Variants in STAG3 observed in about 807,000 individuals in gnomAD.
STAG3 encodes cohesin subunit SA-3.
STAG3 carries 101 observed loss-of-function variants against 160.7 expected under a neutral mutation model. The observed-to-expected ratio is 0.63, with a 90% CI of 0.54 to 0.74. The LOEUF is 0.74. Ranked by LOEUF, STAG3 falls within the 30% of genes least tolerant of loss-of-function variation. The pLI, the probability that STAG3 is intolerant of heterozygous loss-of-function variation, is 0.00. For missense variants in STAG3, 1,188 were observed against 1,517.4 expected (o/e 0.78, Z 3.61); for synonymous variants, 519 against 585.0 (o/e 0.89, Z 1.63).
chr7:100,201,151 C>A lies in STAG3; in HGVS notation c.2123C>A (p.Ala708Asp). The A allele has an allele frequency of 6.2e-7, 1 of 1,614,238 alleles. No individual in the cohort carries two copies. The highest frequency in any genetic ancestry group is 8.5e-7 in the Non-Finnish European group (1 of 1,180,040). Residue 708 changes from alanine (A) to aspartate (D), a missense_variant, in exon 20 of 34, where the codon GCC becomes GAC. Ala to Asp is a moderately radical substitution (Grantham distance 126). Around this residue, in one of 4 missense-constraint regions of STAG3, gnomAD observed 647 missense variants for 717.2 expected, o/e 0.90. Coordinates refer to ENST00000615138, the MANE Select transcript of STAG3 (RefSeq NM_001282717.2). ...NLAATLKRLSAFYNTHDLTRW... is the reference protein window; with the variant it reads ...NLAATLKRLSDFYNTHDLTRW... ...GCAGCCACTCTGAAACGCCTCTCTG[C>A]CTTCTACAAGTGAGTGGCTTTCCTC...
At chr7:100,185,611 A>G (rs1487999091) in intron 4 of STAG3, among the ~76,000 whole-genome samples, 1 of 152,074 alleles carries the variant, frequency 6.6e-6, no homozygotes, top group Non-Finnish European at 1.5e-5. Context: ...CAAAAAAAAA[A>G]AAAAAGGAAA....
chr7:100,193,330 ACTGC>A (rs1562974722), intron 8 of STAG3, among the ~76,000 whole-genome samples: 1 of 152,212 alleles, frequency 6.6e-6, no homozygotes. Flanking sequence ...AAAGTCAGCA[ACTGC>A]ATTAGCCCCT....
chr7:100,182,288 G>T, intron 3 of STAG3, 96 bp downstream of exon 3: 1 of 885,466 alleles, frequency 1.1e-6, no homozygotes, highest in Non-Finnish European at 1.8e-6. Context: ...GAACCCAGGG[G>T]GCAGAGCTTG....
At chr7:100,185,665 T>C (rs962617504) in intron 4 of STAG3, among the ~76,000 whole-genome samples, 21 of 151,942 alleles carry the variant, frequency 1.4e-4, no homozygotes, top group Admixed American at 1.3e-3. Context: ...ATGTATGTGG[T>C]GTGAATCTTG....
intron 9 of STAG3, among the ~76,000 whole-genome samples, chr7:100,195,755 C>T (rs1033009036): frequency 7.9e-5 from 12 of 152,190 alleles, no homozygotes; most frequent in African/African-American, 2.4e-4. Context: ...TGAGCCTTCT[C>T]CTGGCCCAGC....
intron 4 of STAG3, 67 bp from the exon 5 acceptor site, chr7:100,186,133 G>T: frequency 8.1e-7 from 1 of 1,233,538 alleles, no homozygotes. Context: ...CAACTGGGAA[G>T]ATCATATAGG....
At position 100,182,172 on chromosome 7, in the gene STAG3, C is replaced by T. The variant is rs764978239; in HGVS notation, c.199C>T (p.Arg67Ter). 8 of 1,610,966 alleles carry T rather than the reference C, an allele frequency of 5.0e-6. No individual in the cohort carries two copies. In the Admixed American group the frequency reaches 6.7e-5, roughly 13 times the overall value. The change falls in exon 3 of 34, where the codon CGA becomes TGA. Residue 67 changes from arginine (R) to a stop codon, truncating the protein, a stop_gained. Transcript: ENST00000615138. LOFTEE classifies it high-confidence loss of function. ...CAATGTGAAGAAGAGAGCAGCAAAACGACCACCGAAAACAACACCGGTGAG... is the reference window on the plus strand; with the variant it reads ...CAATGTGAAGAAGAGAGCAGCAAAATGACCACCGAAAACAACACCGGTGAG... ...NRNVKKRAAK[R>*]PPKTTPVAKH...
chr7:100,209,150 G>C (rs994483561), intron 29 of STAG3, among the ~76,000 whole-genome samples: 1 of 152,136 alleles, frequency 6.6e-6, no homozygotes, highest in Non-Finnish European at 1.5e-5. Context: ...GAGGTTAGTC[G>C]GTAGTTTCTG....
At chr7:100,218,706 T>G (rs1168970199), downstream of STAG3, 2 of 354,192 alleles carry the variant, frequency 5.6e-6, no homozygotes, top group Non-Finnish European at 1.1e-5. Flanking sequence ...GAAAGAGGAG[T>G]GTGTGCTTGG....
intron 8 of STAG3, among the ~76,000 whole-genome samples, chr7:100,190,068 T>C (rs536796339): frequency 1.3e-5 from 2 of 152,214 alleles, no homozygotes; most frequent in Non-Finnish European, 2.9e-5. Flanking sequence ...CATAGCCTTA[T>C]GTAACCTCTC....
chr7:100,181,085 T>C (rs1216255344), intron 2 of STAG3, among the ~76,000 whole-genome samples: 1 of 152,158 alleles, frequency 6.6e-6, no homozygotes, highest in East Asian at 1.9e-4. Context: ...AGCTGGCAGA[T>C]GGGGGAGTAA....
Position 100,189,112 on chromosome 7 carries a change from G to A in STAG3, c.715+96G>A, listed in dbSNP as rs1584675082. On this transcript the variant is annotated intron_variant, in intron 7 of 33. Coordinates refer to ENST00000615138, the MANE Select transcript of STAG3 (RefSeq NM_001282717.2). ...GATCTTCTTTCCTACCTGCATCTTGGCTCTTCACTTCAAGGCCATGCCTCT... is the reference window on the plus strand; with the variant it reads ...GATCTTCTTTCCTACCTGCATCTTGACTCTTCACTTCAAGGCCATGCCTCT... The A allele has an allele frequency of 1.0e-5, 14 of 1,381,492 alleles. No individual in the cohort carries two copies. The East Asian group carries it at 3.2e-4, about 32-fold the overall frequency. 85.6% of individuals were successfully genotyped at this position (1,381,492 alleles called of 1,614,324 possible).
At position 100,201,297 on chromosome 7, in the gene STAG3, G is replaced by C. The variant is rs1584729443; in HGVS notation, c.2166G>C (p.Glu722Asp). The C allele has an allele frequency of 6.2e-7, 1 of 1,614,122 alleles. No individual in the cohort carries two copies. Among genetic ancestry groups the C allele is most frequent in the Non-Finnish European group, 8.5e-7 (1 of 1,180,016 alleles). The change falls in exon 21 of 34, where the codon GAG (glutamate) becomes GAC (aspartate). Residue 722 changes from glutamate (E) to aspartate (D), a missense_variant. Glu to Asp is a conservative substitution (Grantham distance 45, BLOSUM62 2). Transcript: ENST00000615138. ...ACCTGACTCGCTGGGAGCTCTATGAGCCATGTTGCCAACTCCTGCAGAAGG... is the reference window on the plus strand; with the variant it reads ...ACCTGACTCGCTGGGAGCTCTATGACCCATGTTGCCAACTCCTGCAGAAGG... ...THDLTRWELY[E>D]PCCQLLQKAV...
At chr7:100,199,728 A>C in intron 16 of STAG3, 84 bp downstream of exon 16, 1 of 1,083,688 alleles carries the variant, frequency 9.2e-7, no homozygotes, top group Non-Finnish European at 1.3e-6. Context: ...GGCTGGGGTT[A>C]GGGTGCTCCT....
chr7:100,216,701 TGA>T (rs531084482), downstream of STAG3, among the ~76,000 whole-genome samples: 137 of 151,430 alleles, frequency 9.0e-4, no homozygotes, highest in African/African-American at 3.2e-3. Flanking sequence ...CTCGGGAGGC[TGA>T]GACAGGAGAA....
chr7:100,181,161 A>G (rs1486753388), intron 2 of STAG3, among the ~76,000 whole-genome samples: 1 of 152,002 alleles, frequency 6.6e-6, no homozygotes, highest in Non-Finnish European at 1.5e-5. Context: ...TATTTCTTCT[A>G]CTTGGGGATT....
chr7:100,188,580 T>C, intron 6 of STAG3, 51 bp downstream of exon 6: 1 of 1,357,194 alleles, frequency 7.4e-7, no homozygotes, highest in Non-Finnish European at 1.1e-6. Context: ...CAAAACACAA[T>C]GCCTATTATC....
intron 29 of STAG3, among the ~76,000 whole-genome samples, chr7:100,209,461 G>T (rs1269646286): frequency 6.6e-6 from 1 of 152,168 alleles, no homozygotes. Flanking sequence ...GACCAAAGAG[G>T]GTACAGGATC....
At chr7:100,213,554 A>C (rs1438232399) in intron 32 of STAG3, 181 bp from the exon 33 acceptor site, 13 of 985,220 alleles carry the variant, frequency 1.3e-5, no homozygotes, top group Non-Finnish European at 1.6e-5. Context: ...GCAGGCCAAG[A>C]AGCGCTCTGC....
Sources: allele counts gnomAD v4.1 joint callset (sites outside exome capture counted in the v4.1 genomes callset), GRCh38; gene constraint gnomAD v4.1.1; regional missense constraint gnomAD v4.1.1; transcripts MANE v1.5; gene names NCBI Gene and HGNC (gene_info 2026-07-23, HGNC 2026-07-21).